PCDH11X: variants seen among roughly 807,000 people sequenced by gnomAD.
PCDH11X encodes the protein protocadherin 11 X-linked.
Under a neutral mutation model 53.3 loss-of-function variants are expected in PCDH11X, and 18 were observed. That is an observed-to-expected ratio of 0.34 (90% CI 0.23 to 0.50). PCDH11X has a LOEUF of 0.50. Among genes scored for constraint, PCDH11X ranks in the 20% least tolerant of loss-of-function variants. The pLI is 0.98. For synonymous variants in PCDH11X, 279 were observed against 393.3 expected (o/e 0.71, Z 3.44); for missense variants, 570 against 1,032.4 (o/e 0.55, Z 6.14).
At chrX:92,188,870 A>G (rs963449671) in intron 6 of PCDH11X, among the ~76,000 whole-genome samples, 5 of 111,209 alleles carry the variant, frequency 4.5e-5, no homozygotes. Context: ...TTGTGATAAT[A>G]TGTGTCTTCA....
chrX:91,948,793 G>T (rs772114858), intron 6 of PCDH11X, among the ~76,000 whole-genome samples: 2 of 110,157 alleles, frequency 1.8e-5, no homozygotes, highest in Non-Finnish European at 3.8e-5. Flanking sequence ...TCAGTGGATA[G>T]AATATTACTA....
chrX:92,181,530 C>T (rs2065997791), intron 6 of PCDH11X, among the ~76,000 whole-genome samples: 1 of 111,786 alleles, frequency 8.9e-6, no homozygotes, highest in African/African-American at 3.2e-5. Context: ...CTCCAGGGCA[C>T]ATCAAGGACC....
At chrX:92,462,800 G>A (rs2073078353) in intron 9 of PCDH11X, among the ~76,000 whole-genome samples, 1 of 105,053 alleles carries the variant, frequency 9.5e-6, no homozygotes, top group Non-Finnish European at 1.9e-5. Context: ...TTCTTTCTGG[G>A]AGTCAGCAAA....
At chrX:92,266,547 C>T (rs2067834937) in intron 8 of PCDH11X, among the ~76,000 whole-genome samples, 1 of 110,963 alleles carries the variant, frequency 9.0e-6, no homozygotes, top group Admixed American at 9.6e-5. Context: ...CTTTTTCTAC[C>T]CCCTCTTAAA....
At chrX:91,804,356 GAA>G (rs1036430941) in intron 1 of PCDH11X, among the ~76,000 whole-genome samples, 3 of 106,244 alleles carry the variant, frequency 2.8e-5, no homozygotes, top group Admixed American at 1.0e-4. Flanking sequence ...GAGGAAGTGA[GAA>G]AAAAATAAAG....
intron 8 of PCDH11X, among the ~76,000 whole-genome samples, chrX:92,317,705 G>A (rs1185891298): frequency 5.4e-5 from 6 of 111,587 alleles, no homozygotes; most frequent in Admixed American, 1.9e-4. Context: ...AAGCAATTTA[G>A]TGTAATAGAC....
At chrX:92,136,025 A>G (rs2065077403) in intron 6 of PCDH11X, among the ~76,000 whole-genome samples, 1 of 111,641 alleles carries the variant, frequency 9.0e-6, no homozygotes, top group Non-Finnish European at 1.9e-5. Context: ...TATTCAGTCA[A>G]TAATTGGTTT....
chrX:92,570,524 T>C (rs1922078078), intron 10 of PCDH11X, among the ~76,000 whole-genome samples: 1 of 106,964 alleles, frequency 9.3e-6, no homozygotes, highest in Admixed American at 1.0e-4. Flanking sequence ...AACTCTTCAC[T>C]GTATGCAAAA....
At chrX:92,534,694 A>G (rs1392633426) in intron 10 of PCDH11X, among the ~76,000 whole-genome samples, 1 of 111,656 alleles carries the variant, frequency 9.0e-6, no homozygotes, top group Non-Finnish European at 1.9e-5. Context: ...CGTCAGACTA[A>G]CAGCAGATCT....
chrX:91,921,042 A>G (rs780300879), intron 6 of PCDH11X, among the ~76,000 whole-genome samples: 46 of 112,028 alleles, frequency 4.1e-4, no homozygotes, highest in Admixed American at 2.9e-3. Flanking sequence ...AGTAATAATA[A>G]CATTTACCAC....
At chrX:92,144,280 G>A (rs921522238) in intron 6 of PCDH11X, among the ~76,000 whole-genome samples, 1 of 108,542 alleles carries the variant, frequency 9.2e-6, no homozygotes, top group Non-Finnish European at 1.9e-5. Context: ...GAGGACATGC[G>A]ATTTGGAGGG....
chrX:91,855,648 CT>C (rs1938289021), intron 5 of PCDH11X, among the ~76,000 whole-genome samples: 1 of 109,669 alleles, frequency 9.1e-6, no homozygotes, highest in South Asian at 3.8e-4. Context: ...TATTTTTTCC[CT>C]TTTTTGGTGC....
intron 1 of PCDH11X, among the ~76,000 whole-genome samples, chrX:91,793,685 A>T (rs1288216474): frequency 9.0e-6 from 1 of 111,631 alleles, no homozygotes; most frequent in Non-Finnish European, 1.9e-5. Context: ...TAATAGGTCT[A>T]GAGGGAGAGT....
At chrX:92,127,720 A>G (rs1269650513) in intron 6 of PCDH11X, among the ~76,000 whole-genome samples, 2 of 109,380 alleles carry the variant, frequency 1.8e-5, no homozygotes, top group African/African-American at 3.3e-5. Context: ...ACGGGGTTTC[A>G]CCATGTTAGC....
intron 8 of PCDH11X, among the ~76,000 whole-genome samples, chrX:92,294,077 G>T (rs2068557347): frequency 9.0e-6 from 1 of 110,593 alleles, no homozygotes; most frequent in South Asian, 3.9e-4. Context: ...AACATTTTTT[G>T]AAATCTAAAA....
intron 8 of PCDH11X, among the ~76,000 whole-genome samples, chrX:92,323,881 A>G (rs930915535): frequency 8.9e-4 from 99 of 110,643 alleles, no homozygotes; most frequent in Non-Finnish European, 1.8e-3. Context: ...CACAGTTTCA[A>G]TTTTTTTTCC....
chrX:92,284,865 C>G (rs2068328174), intron 8 of PCDH11X, among the ~76,000 whole-genome samples: 1 of 111,781 alleles, frequency 8.9e-6, no homozygotes, highest in South Asian at 3.7e-4. Context: ...TATATTATCA[C>G]ATATGGGACT....
intron 9 of PCDH11X, among the ~76,000 whole-genome samples, chrX:92,449,699 G>T (rs1184641025): frequency 9.0e-6 from 1 of 110,840 alleles, no homozygotes; most frequent in Non-Finnish European, 1.9e-5. Context: ...CATTCTGCCA[G>T]AAAATATTCT....
intron 6 of PCDH11X, among the ~76,000 whole-genome samples, chrX:92,101,973 T>A (rs994947632): frequency 5.4e-5 from 6 of 111,956 alleles, no homozygotes; most frequent in East Asian, 2.8e-4. Context: ...ATGTGGCGAT[T>A]AGGCCTGGTG....
Sources: allele counts gnomAD v4.1 joint callset (sites outside exome capture counted in the v4.1 genomes callset), GRCh38; gene constraint gnomAD v4.1.1; transcripts MANE v1.5; gene names NCBI Gene and HGNC (gene_info 2026-07-23, HGNC 2026-07-21).